PVR: variants seen among roughly 807,000 people sequenced by gnomAD.
PVR encodes poliovirus receptor.
Under a neutral mutation model 43.3 loss-of-function variants are expected in PVR, and 39 were observed. That is an observed-to-expected ratio of 0.90 (90% confidence interval 0.70 to 1.18). The LOEUF is 1.18. Among genes scored for constraint, PVR ranks in the 50% most tolerant of loss-of-function variants. PVR has a pLI of 0.00. For missense variants in PVR, 480 were observed against 549.7 expected (o/e 0.87, Z 1.27); for synonymous variants, 224 against 233.2 (o/e 0.96, Z 0.36).
chr19:44,652,189 G>C (rs973055560), intron 3 of PVR, among the ~76,000 whole-genome samples: 5 of 152,006 alleles, frequency 3.3e-5, no homozygotes, highest in African/African-American at 1.2e-4. Flanking sequence ...AAATTTATTT[G>C]TTTATTTATT....
intron 1 of PVR, 67 bp from the exon 2 acceptor site, chr19:44,647,156 C>G: frequency 7.7e-7 from 1 of 1,297,196 alleles, no homozygotes; most frequent in Non-Finnish European, 1.0e-6. Flanking sequence ...GCCCGGGCTC[C>G]TGGAGCCCCT....
chr19:44,650,865 T>C (rs1207648722), intron 3 of PVR, among the ~76,000 whole-genome samples: 1 of 151,564 alleles, frequency 6.6e-6, no homozygotes, highest in Non-Finnish European at 1.5e-5. Flanking sequence ...GTGCCCGGCT[T>C]TTTGTTTTGT....
rs963441766 is a variant in PVR at position 44,661,224 on chromosome 19, A to G, written c.1151-68A>G. On this transcript the variant is annotated intron_variant, in intron 6 of 7. Transcript: ENST00000425690. ...TGACATTTTCAGGGCCCTGACACCC[A>G]GGCATGTCTTCTTCCCATGCTTCCC... 6.8e-6 allele frequency: 10 copies of G among 1,473,780 alleles called. No homozygotes were observed. In the African/African-American group the frequency reaches 1.1e-4, roughly 16 times the overall value. 91.3% of individuals were successfully genotyped at this position (1,473,780 alleles called of 1,614,324 possible). A position where few individuals can be genotyped will look rare whatever the true frequency, so the allele number is the denominator to read the frequency against.
intron 2 of PVR, among the ~76,000 whole-genome samples, chr19:44,649,119 C>T (rs567492237): frequency 1.3e-5 from 2 of 152,264 alleles, no homozygotes; most frequent in East Asian, 3.9e-4. Flanking sequence ...TGGGTTTCCC[C>T]TTTCCAGCCC....
In PVR at chr19:44,662,759, C is replaced by T. The variant is rs1229543454; in HGVS notation, c.*948C>T. 6.6e-6 allele frequency: 1 copy of T among 152,186 alleles called. No homozygotes were observed. Among genetic ancestry groups the T allele is most frequent in the Non-Finnish European group, 1.5e-5 (1 of 68,038 alleles). The allele number at this position is 152,186 out of a possible 1,614,324, so 9.4% of individuals were successfully genotyped here. On this transcript the variant is annotated 3_prime_UTR_variant, in exon 8 of 8. Transcript: ENST00000425690. ...GTTAAGCCTTTACTGCATAGCAGACCACACAGAAGGGTGTGGGCCACCAGA... is the reference window on the plus strand; with the variant it reads ...GTTAAGCCTTTACTGCATAGCAGACTACACAGAAGGGTGTGGGCCACCAGA...
chr19:44,653,570 T>C (rs903224735), intron 3 of PVR: 26 of 230,242 alleles, frequency 1.1e-4, no homozygotes, highest in Non-Finnish European at 2.1e-4. Context: ...AATACACTGC[T>C]GTGTGTTGTG....
chr19:44,645,498 T>A (rs901691679), intron 1 of PVR, among the ~76,000 whole-genome samples: 4 of 141,566 alleles, frequency 2.8e-5, no homozygotes, highest in African/African-American at 1.1e-4. Context: ...AGGTCTTGCT[T>A]TGTTGCCCAG....
chr19:44,661,591 C>CATG (rs1973592205), intron 7 of PVR, 149 bp from the exon 8 acceptor site: 3 of 752,244 alleles, frequency 4.0e-6, no homozygotes, highest in Non-Finnish European at 6.7e-6. Context: ...CAATTCCACC[C>CATG]ATGGCCACAC....
rs751210765 is a variant in PVR at position 44,653,667 on chromosome 19, G to A, written c.725-233G>A. Reference sequence around the variant, plus strand: ...TGCCTGGTCCAGGCTACCCAGGAAAGCTAGTGGAGAAAAGCAGCTCCTCAG... The same window carrying A: ...TGCCTGGTCCAGGCTACCCAGGAAAACTAGTGGAGAAAAGCAGCTCCTCAG... On this transcript the variant is annotated intron_variant, in intron 3 of 7. Transcript: ENST00000425690. The A allele has an allele frequency of 1.5e-5, 7 of 477,774 alleles. No individual in the cohort carries two copies. In the South Asian group the frequency reaches 2.5e-4, roughly 17 times the overall value. 29.6% of individuals were successfully genotyped at this position (477,774 alleles called of 1,614,324 possible). A position where few individuals can be genotyped will look rare whatever the true frequency, so the allele number is the denominator to read the frequency against.
intron 2 of PVR, among the ~76,000 whole-genome samples, chr19:44,648,146 C>T (rs892998760): frequency 6.6e-6 from 1 of 152,180 alleles, no homozygotes; most frequent in Non-Finnish European, 1.5e-5. Flanking sequence ...ATTCTAATTG[C>T]CTGTGATTCC....
chr19:44,659,934 C>A (rs1014805289), intron 6 of PVR, among the ~76,000 whole-genome samples: 1 of 152,210 alleles, frequency 6.6e-6, no homozygotes, highest in Non-Finnish European at 1.5e-5. Context: ...GAAGCCAGAT[C>A]TTTGACTACC....
chr19:44,648,585 C>T (rs1162232992), intron 2 of PVR, among the ~76,000 whole-genome samples: 1 of 151,930 alleles, frequency 6.6e-6, no homozygotes, highest in African/African-American at 2.4e-5. Context: ...CTCCTGGGCT[C>T]AAGGGATGTT....
At chr19:44,657,975 C>G in intron 5 of PVR, 65 bp downstream of exon 5, 4 of 1,521,988 alleles carry the variant, frequency 2.6e-6, no homozygotes, top group Non-Finnish European at 3.6e-6. Context: ...GGTTCCCTGT[C>G]TAATGCTCTC....
At chr19:44,644,444 C>G (rs1169469903) in intron 1 of PVR, among the ~76,000 whole-genome samples, 3 of 152,110 alleles carry the variant, frequency 2.0e-5, no homozygotes, top group Admixed American at 1.3e-4. Context: ...TCCTCTGGGC[C>G]CCTCGGAAAG....
rs777036330 is a variant in PVR at position 44,658,775 on chromosome 19, G to A, written c.1025G>A (p.Arg342His). ...CCCAGTGAGCACTCAGGCATGTCCC[G>A]TAACGCCATCATCTTCCTGGTTCTG... ...GPPSEHSGMS[R>H]NAIIFLVLGI... The change falls in exon 6 of 8, where the codon CGT (arginine) becomes CAT (histidine). Residue 342 changes from arginine to histidine, a missense_variant. Physicochemically the swap from Arg to His is conservative, Grantham distance 29. Coordinates refer to ENST00000425690, the MANE Select transcript of PVR (RefSeq NM_006505.5). 39 of 1,611,518 alleles carry A rather than the reference G, an allele frequency of 2.4e-5. No homozygotes were observed. The East Asian group carries it at 4.2e-4, about 17-fold the overall frequency.
At chr19:44,660,459 C>CTATTATTACTATTATTGT (rs1257153993) in intron 6 of PVR, among the ~76,000 whole-genome samples, 1 of 152,110 alleles carries the variant, frequency 6.6e-6, no homozygotes, top group African/African-American at 2.4e-5. Flanking sequence ...ATTGTTATTG[C>CTATTATTACTATTATTGT]TATTATTACT....
At chr19:44,646,321 C>G (rs1973112731) in intron 1 of PVR, among the ~76,000 whole-genome samples, 1 of 152,268 alleles carries the variant, frequency 6.6e-6, no homozygotes, top group South Asian at 2.1e-4. Flanking sequence ...CAACCAGGAC[C>G]CACCCAGAGT....
chr19:44,654,734 CTT>C (rs889039563), intron 4 of PVR, among the ~76,000 whole-genome samples: 1 of 151,644 alleles, frequency 6.6e-6, no homozygotes, highest in Non-Finnish European at 1.5e-5. Flanking sequence ...CATTATGAGA[CTT>C]TTTTTTTGCG....
In PVR at chr19:44,652,976, G is replaced by A. The variant is rs994742483; in HGVS notation, c.725-924G>A. On this transcript the variant is annotated intron_variant, in intron 3 of 7. Coordinates refer to ENST00000425690, the MANE Select transcript of PVR (RefSeq NM_006505.5). ...GTGTATTTCGGCCTGGCTATATTTC[G>A]AGTGCTCAGTAGTCACATGTGGCCA... 2.6e-5 allele frequency among the ~76,000 whole-genome samples: 4 copies of A among 151,876 alleles called. 1 individual carries two copies. In the South Asian group the frequency reaches 6.2e-4, roughly 24 times the overall value.
Sources: allele counts gnomAD v4.1 joint callset (sites outside exome capture counted in the v4.1 genomes callset), GRCh38; gene constraint gnomAD v4.1.1; transcripts MANE v1.5; gene names NCBI Gene and HGNC (gene_info 2026-07-23, HGNC 2026-07-21).